The following SHROOM2 variants were observed in gnomAD, a reference collection of about 807,000 sequenced individuals.
The protein encoded by SHROOM2 is protein Shroom2.
SHROOM2 carries 33 observed loss-of-function variants against 75.9 expected under a neutral mutation model. That is an observed-to-expected ratio of 0.43 (90% confidence interval 0.33 to 0.58). The LOEUF (loss-of-function observed/expected upper bound fraction) is 0.58, where lower values mean the gene tolerates loss of function less well. SHROOM2 is among the 20% of genes least tolerant of loss of function. The pLI is 0.04. For missense variants in SHROOM2, 1,434 were observed against 1,461.2 expected, an observed-to-expected ratio of 0.98 and a Z score of 0.30; for synonymous variants, 655 against 663.6, an observed-to-expected ratio of 0.99 and a Z score of 0.20.
chrX:9,927,210 C>T (rs1043911787), intron 5 of SHROOM2, among the ~76,000 whole-genome samples: 4 of 108,744 alleles, frequency 3.7e-5, no homozygotes, highest in African/African-American at 1.3e-4. Context: ...CTAGCCAGGC[C>T]ATAGTGGCAT....
At chrX:9,882,028 T>G (rs2084233975) in intron 2 of SHROOM2, among the ~76,000 whole-genome samples, 1 of 111,825 alleles carries the variant, frequency 8.9e-6, no homozygotes, top group Non-Finnish European at 1.9e-5. Context: ...GGATATTGTT[T>G]GCTGAGCTCT....
At position 9,932,580 on chromosome X, in the gene SHROOM2, T is replaced by C. The variant is rs755522014; in HGVS notation, c.3297T>C (p.Pro1099=). The C allele has an allele frequency of 8.3e-7, 1 of 1,210,166 alleles. No homozygotes were observed. Among genetic ancestry groups the C allele is most frequent in the African/African-American group, 1.7e-5 (1 of 57,395 alleles). ...VLGRPFPTPS[P]ASLDVYVARL... Reference sequence around the variant, plus strand: ...GCAGGCCCTTCCCAACGCCATCCCCTGCGTCCCTGGATGTGTATGTGGCCC... The same window carrying C: ...GCAGGCCCTTCCCAACGCCATCCCCCGCGTCCCTGGATGTGTATGTGGCCC... The change falls in exon 6 of 10, where the codon CCT becomes CCC. Residue 1099 remains proline, a synonymous_variant. Transcript: ENST00000380913.
chrX:9,813,756 C>T (rs1243574722), intron 1 of SHROOM2, among the ~76,000 whole-genome samples: 2 of 111,723 alleles, frequency 1.8e-5, no homozygotes, highest in African/African-American at 6.5e-5. Flanking sequence ...GGCTTCCTAT[C>T]GATTTCCCTT....
rs4830416 is a variant in SHROOM2, at chrX:9,840,337, T to G, written c.166-33315T>G. On this transcript the variant is annotated intron_variant, in intron 1 of 9. Transcript: ENST00000380913. ...TCTATGTCACTAGGCTGGAGTGCAG[T>G]GGCATGATCATGGCTCACCTCCTGG... Among the ~76,000 whole-genome samples the G allele has an allele frequency of 2.1e-4, 23 of 112,106 alleles. No individual in the cohort carries two copies. In the Admixed American group the frequency reaches 2.2e-3, roughly 11 times the overall value.
intron 1 of SHROOM2, among the ~76,000 whole-genome samples, chrX:9,788,750 A>C (rs973652110): frequency 2.7e-5 from 3 of 110,459 alleles, no homozygotes; most frequent in Non-Finnish European, 5.7e-5. Flanking sequence ...CAGCCTTGGC[A>C]TTGGGGACTT....
intron 1 of SHROOM2, among the ~76,000 whole-genome samples, chrX:9,867,215 G>A (rs1296998409): frequency 3.6e-5 from 4 of 111,379 alleles, no homozygotes; most frequent in Admixed American, 2.9e-4. Flanking sequence ...GTTAGGAGAC[G>A]TTGAACTCTA....
chrX:9,849,977 G>T (rs965130795), intron 1 of SHROOM2, among the ~76,000 whole-genome samples: 60 of 112,204 alleles, frequency 5.3e-4, no homozygotes, highest in African/African-American at 1.8e-3. Context: ...TACTGTTTTG[G>T]TGGGGAGGAT....
At chrX:9,841,837 T>C (rs1291620270) in intron 1 of SHROOM2, among the ~76,000 whole-genome samples, 2 of 109,656 alleles carry the variant, frequency 1.8e-5, no homozygotes, top group Non-Finnish European at 3.8e-5. Flanking sequence ...AACCCAGGAG[T>C]TCAAGACCAG....
At chrX:9,916,115 C>G (rs770443263) in intron 5 of SHROOM2, among the ~76,000 whole-genome samples, 2 of 111,894 alleles carry the variant, frequency 1.8e-5, no homozygotes, top group South Asian at 7.4e-4. Flanking sequence ...ATCAATTTTG[C>G]TAATTAAAAC....
intron 1 of SHROOM2, among the ~76,000 whole-genome samples, chrX:9,840,316 T>C (rs899637218): frequency 1.8e-5 from 2 of 112,118 alleles, no homozygotes; most frequent in African/African-American, 6.5e-5. Flanking sequence ...ACAGGGTCTA[T>C]GTCACTAGGC....
chrX:9,794,956 A>G (rs983238025), intron 1 of SHROOM2, among the ~76,000 whole-genome samples: 1 of 112,165 alleles, frequency 8.9e-6, no homozygotes, highest in African/African-American at 3.2e-5. Flanking sequence ...GTTTGGGCGT[A>G]GTCCTGAATG....
chrX:9,850,703 G>A (rs1184290867), intron 1 of SHROOM2, among the ~76,000 whole-genome samples: 1 of 110,729 alleles, frequency 9.0e-6, no homozygotes, highest in African/African-American at 3.3e-5. Flanking sequence ...AGCCAGGTGC[G>A]GTGGCACACA....
At chrX:9,866,084 ATTTTTTTTT>A (rs773543500) in intron 1 of SHROOM2, among the ~76,000 whole-genome samples, 1 of 78,761 alleles carries the variant, frequency 1.3e-5, no homozygotes, top group Admixed American at 1.5e-4. Flanking sequence ...GGGGCCAGGA[ATTTTTTTTT>A]TTTTTTTTTT....
In SHROOM2 at chrX:9,830,022, A is replaced by G. The variant is rs933283089; in HGVS notation, c.165+43312A>G. 3.6e-5 allele frequency among the ~76,000 whole-genome samples: 4 copies of G among 111,194 alleles called. No homozygotes were observed. The Admixed American group carries it at 3.9e-4, about 11-fold the overall frequency. ...ATACATTAGATTATTTCAGATTCAC[A>G]CTGGCATGTCTTGGGCTCTGCAAGT... On this transcript the variant is annotated intron_variant, in intron 1 of 9. Transcript: ENST00000380913.
chrX:9,790,041 G>A (rs2083639012), intron 1 of SHROOM2, among the ~76,000 whole-genome samples: 1 of 112,363 alleles, frequency 8.9e-6, no homozygotes, highest in Non-Finnish European at 1.9e-5. Context: ...TGGAGACAGA[G>A]CTTTGAAATG....
At chrX:9,805,848 G>A (rs1376151510) in intron 1 of SHROOM2, among the ~76,000 whole-genome samples, 1 of 106,950 alleles carries the variant, frequency 9.4e-6, no homozygotes, top group Non-Finnish European at 1.9e-5. Flanking sequence ...AGGTTGCAGT[G>A]AGCTGAGATC....
chrX:9,852,190 G>A (rs1483250724), intron 1 of SHROOM2, among the ~76,000 whole-genome samples: 3 of 112,366 alleles, frequency 2.7e-5, no homozygotes, highest in Admixed American at 9.4e-5. Flanking sequence ...AGGTAGATGC[G>A]GTAATCAGAA....
chrX:9,825,494 C>T (rs1475463136), intron 1 of SHROOM2, among the ~76,000 whole-genome samples: 1 of 112,374 alleles, frequency 8.9e-6, no homozygotes, highest in Non-Finnish European at 1.9e-5. Context: ...AATGAACTGG[C>T]ATTTTAGAGA....
In SHROOM2 at chrX:9,932,616, C is replaced by G; in HGVS notation, c.3333C>G (p.Leu1111=). 1.7e-6 allele frequency: 2 copies of G among 1,211,528 alleles called. No homozygotes were observed. Among genetic ancestry groups the G allele is most frequent in the Non-Finnish European group, 2.2e-6 (2 of 895,186 alleles). Residue 1111 remains leucine, a synonymous_variant, in exon 6 of 10, where the codon CTC becomes CTG. Coordinates refer to ENST00000380913, the MANE Select transcript of SHROOM2 (RefSeq NM_001649.4). ...SLDVYVARLS[L]SHSPSVFSSA... Reference sequence around the variant, plus strand: ...ATGTGTATGTGGCCCGCCTGTCCCTCTCCCACAGCCCCTCTGTGTTCAGCA... The same window carrying G: ...ATGTGTATGTGGCCCGCCTGTCCCTGTCCCACAGCCCCTCTGTGTTCAGCA...
Sources: gnomAD v4.1 joint callset for allele counts (sites outside exome capture counted in the v4.1 genomes callset) on GRCh38, gnomAD v4.1.1 for gene constraint, MANE v1.5 for transcripts, NCBI Gene and HGNC (gene_info 2026-07-23, HGNC 2026-07-21) for gene names.